Variants in NFIB observed in about 807,000 individuals in gnomAD.
The protein encoded by NFIB is nuclear factor 1 B-type.
Under a neutral mutation model 61.5 loss-of-function variants are expected in NFIB, and 11 were observed. That is an observed-to-expected ratio of 0.18 (90% CI 0.11 to 0.30). The LOEUF (loss-of-function observed/expected upper bound fraction) is 0.30. Among genes scored for constraint, NFIB ranks in the 10% least tolerant of loss-of-function variants. NFIB has a pLI of 1.00. For missense variants in NFIB, 471 were observed against 608.9 expected (o/e 0.77, Z 2.38); for synonymous variants, 260 against 216.5 (o/e 1.20, Z -1.76).
At chr9:14,500,643 G>GCAAA in the NFIB span, among the ~76,000 whole-genome samples, 56 of 152,188 alleles carry the variant, frequency 3.7e-4, no homozygotes, top group African/African-American at 1.2e-3. Context: ...CCCGGTAAAA[G>GCAAA]CAAACAAACA....
At chr9:14,248,135 T>C (rs752981233) in intron 2 of NFIB, among the ~76,000 whole-genome samples, 8 of 151,628 alleles carry the variant, frequency 5.3e-5, no homozygotes, top group Non-Finnish European at 7.4e-5. Flanking sequence ...GGTCTCCCTA[T>C]GTTGCCCAGG....
chr9:14,317,976 G>T (rs2060579165), upstream of NFIB, among the ~76,000 whole-genome samples: 1 of 152,038 alleles, frequency 6.6e-6, no homozygotes, highest in East Asian at 1.9e-4. Flanking sequence ...TATCAAAATG[G>T]GCCAAACACT....
At chr9:14,228,013 T>A (rs562293986) in intron 2 of NFIB, among the ~76,000 whole-genome samples, 3 of 152,270 alleles carry the variant, frequency 2.0e-5, no homozygotes, top group African/African-American at 7.2e-5. Flanking sequence ...AATAATTCAT[T>A]TACTCTTCCT....
the NFIB span, among the ~76,000 whole-genome samples, chr9:14,416,148 G>A: frequency 6.6e-6 from 1 of 152,270 alleles, no homozygotes; most frequent in South Asian, 2.1e-4. Context: ...GTACAGTCAT[G>A]CACCACATAA....
chr9:14,400,650 T>C (rs1003538956), upstream of NFIB, among the ~76,000 whole-genome samples: 5 of 152,056 alleles, frequency 3.3e-5, no homozygotes, highest in East Asian at 7.7e-4. Context: ...AATGCAAATA[T>C]TAACAAAGCA....
the NFIB span, among the ~76,000 whole-genome samples, chr9:14,448,761 G>C: frequency 6.6e-6 from 1 of 152,142 alleles, no homozygotes; most frequent in African/African-American, 2.4e-5. Flanking sequence ...AGCAAGGTGG[G>C]TAAAGAACTT....
chr9:14,382,289 C>T (rs1029636146), intron 1 of NFIB, among the ~76,000 whole-genome samples: 16 of 151,882 alleles, frequency 1.1e-4, no homozygotes, highest in African/African-American at 3.1e-4. Flanking sequence ...GAGAACACAG[C>T]AAGGAATGTG....
intron 2 of NFIB, among the ~76,000 whole-genome samples, chr9:14,243,861 C>G (rs191800104): frequency 6.6e-6 from 1 of 152,084 alleles, no homozygotes; most frequent in African/African-American, 2.4e-5. Context: ...TGGAGGGTTT[C>G]CTGCACAAGG....
intron 1 of NFIB, among the ~76,000 whole-genome samples, chr9:14,391,331 GC>G (rs59820032): frequency 2.7e-4 from 40 of 148,690 alleles, no homozygotes; most frequent in East Asian, 6.5e-4. Flanking sequence ...TGCAGGAGAT[GC>G]CCCCCCCCCA....
At chr9:14,405,880 C>G in the NFIB span, among the ~76,000 whole-genome samples, 1 of 152,168 alleles carries the variant, frequency 6.6e-6, no homozygotes, top group African/African-American at 2.4e-5. Context: ...GGCCTAAGAA[C>G]TATGACTAGG....
chr9:14,321,365 T>C (rs369385314), intron 1 of NFIB, among the ~76,000 whole-genome samples: 1 of 151,756 alleles, frequency 6.6e-6, no homozygotes, highest in Non-Finnish European at 1.5e-5. Context: ...AGGCTAACAA[T>C]AGGATGCCAC....
chr9:14,274,220 C>A (rs535644737), intron 2 of NFIB, among the ~76,000 whole-genome samples: 2 of 150,534 alleles, frequency 1.3e-5, no homozygotes, highest in African/African-American at 2.5e-5. Flanking sequence ...TCATGCTCTA[C>A]CCCCTTTCTC....
chr9:14,305,135 G>A (rs552292482), intron 2 of NFIB, among the ~76,000 whole-genome samples: 1 of 151,792 alleles, frequency 6.6e-6, no homozygotes, highest in African/African-American at 2.4e-5. Context: ...GCATTTATGC[G>A]TTTTTTTTCT....
the NFIB span, among the ~76,000 whole-genome samples, chr9:14,514,325 CAT>C: frequency 6.0e-5 from 9 of 151,108 alleles, no homozygotes; most frequent in East Asian, 9.7e-4. Flanking sequence ...TACATACATA[CAT>C]ACACACACAC....
chr9:14,414,591 T>C, the NFIB span, among the ~76,000 whole-genome samples: 8 of 150,922 alleles, frequency 5.3e-5, no homozygotes, highest in African/African-American at 1.9e-4. Context: ...AGCTTCCTTG[T>C]CTGTAAAACG....
At chr9:14,436,180 A>T in the NFIB span, among the ~76,000 whole-genome samples, 1 of 152,240 alleles carries the variant, frequency 6.6e-6, no homozygotes, top group Non-Finnish European at 1.5e-5. Flanking sequence ...AGCAATGAAA[A>T]TCTCTTCTTA....
intron 1 of NFIB, among the ~76,000 whole-genome samples, chr9:14,323,972 T>C (rs1161651615): frequency 6.6e-6 from 1 of 152,192 alleles, no homozygotes; most frequent in South Asian, 2.1e-4. Flanking sequence ...TTAAAATAAT[T>C]TGTCTAACTG....
chr9:14,521,234 C>T, the NFIB span, among the ~76,000 whole-genome samples: 39 of 152,128 alleles, frequency 2.6e-4, 1 homozygote, highest in Admixed American at 2.0e-3. Flanking sequence ...AAATACCATT[C>T]GAAAATGGTA....
chr9:14,482,572 A>G, the NFIB span, among the ~76,000 whole-genome samples: 4 of 152,220 alleles, frequency 2.6e-5, no homozygotes, highest in African/African-American at 4.8e-5. Flanking sequence ...GATACACTGC[A>G]TTCCTCAAGT....
Sources: gnomAD v4.1 joint callset for allele counts (sites outside exome capture counted in the v4.1 genomes callset) on GRCh38, gnomAD v4.1.1 for gene constraint, MANE v1.5 for transcripts, NCBI Gene and HGNC (gene_info 2026-07-23, HGNC 2026-07-21) for gene names.